Variants in B3GALNT1 observed in about 807,000 individuals in gnomAD.
The protein encoded by B3GALNT1 is UDP-GalNAc:beta-1,3-N-acetylgalactosaminyltransferase 1.
In B3GALNT1, 17 loss-of-function variants were observed where a neutral mutation model predicts 27.3. That is an observed-to-expected ratio of 0.62 (90% CI 0.43 to 0.94). The LOEUF is 0.94. B3GALNT1 is among the 40% of genes least tolerant of loss of function. B3GALNT1 has a pLI of 0.00. For missense variants in B3GALNT1, 347 were observed against 390.0 expected (o/e 0.89, Z 0.93); for synonymous variants, 141 against 144.0 (o/e 0.98, Z 0.15).
intron 4 of B3GALNT1, among the ~76,000 whole-genome samples, chr3:161,098,907 T>C (rs1017898606): frequency 3.9e-5 from 6 of 152,188 alleles, no homozygotes; most frequent in East Asian, 1.9e-4. Context: ...GGTTCTTCAA[T>C]AGAAGATCAA....
intron 4 of B3GALNT1, among the ~76,000 whole-genome samples, chr3:161,091,140 G>A (rs1409699104): frequency 6.6e-6 from 1 of 152,080 alleles, no homozygotes; most frequent in African/African-American, 2.4e-5. Context: ...ATGGTGGCAT[G>A]AGCCTGTGGT....
At chr3:161,104,462 A>C (rs1235767592) in intron 1 of B3GALNT1, 56 bp from the exon 2 acceptor site, 1 of 810,288 alleles carries the variant, frequency 1.2e-6, no homozygotes, top group Non-Finnish European at 1.7e-6. Flanking sequence ...CTCCCTCCTA[A>C]ATCCAACATT....
chr3:161,101,139 C>T lies in B3GALNT1; in HGVS notation c.-35G>A. 1 of 1,289,662 alleles carries T rather than the reference C, an allele frequency of 7.8e-7. No individual in the cohort carries two copies. Among genetic ancestry groups the T allele is most frequent in the Non-Finnish European group, 1.0e-6 (1 of 988,736 alleles). 79.9% of individuals were successfully genotyped at this position (1,289,662 alleles called of 1,614,324 possible). A position where few individuals can be genotyped will look rare whatever the true frequency, so the allele number is the denominator to read the frequency against. Reference sequence around the variant, plus strand: ...AAGAATGCAGCAGAAGCAGACACACCTTTACACTCGGGGTGAGTAGTCGGA... The same window carrying T: ...AAGAATGCAGCAGAAGCAGACACACTTTTACACTCGGGGTGAGTAGTCGGA... On this transcript the variant is annotated splice_region_variant and 5_prime_UTR_variant, in exon 4 of 5. Coordinates refer to ENST00000320474, the MANE Select transcript of B3GALNT1 (RefSeq NM_003781.4).
In B3GALNT1 at chr3:161,104,113, G is replaced by A. The variant is rs377047275; in HGVS notation, c.-221+206C>T. 9 of 310,470 alleles carry A rather than the reference G, an allele frequency of 2.9e-5. No individual in the cohort carries two copies. In the East Asian group the frequency reaches 4.0e-4, roughly 14 times the overall value. 19.2% of individuals were successfully genotyped at this position (310,470 alleles called of 1,614,324 possible). ...TTGAACGAACATTTTAGTCTATGAG[G>A]GGAAAAAAGTCATAGTCTCTTATCT... On this transcript the variant is annotated intron_variant, in intron 2 of 4. Coordinates refer to ENST00000320474, the MANE Select transcript of B3GALNT1 (RefSeq NM_003781.4).
Position 161,086,420 on chromosome 3 carries a change from A to C in B3GALNT1, c.335T>G (p.Val112Gly), listed in dbSNP as rs1208435290. The change falls in exon 5 of 5, where the codon GTT becomes GGT. Residue 112 changes from valine (V) to glycine (G), a missense_variant. Coordinates refer to ENST00000320474, the MANE Select transcript of B3GALNT1 (RefSeq NM_003781.4). ...TTGGCCTAATAAGAAAAATGTAAGAACCTCATATCCCCACCAAGACTTTTT... is the reference window on the plus strand; with the variant it reads ...TTGGCCTAATAAGAAAAATGTAAGACCCTCATATCCCCACCAAGACTTTTT... Reference protein sequence around the residue: ...GEKKSWWGYEVLTFFLLGQEA... With the variant: ...GEKKSWWGYEGLTFFLLGQEA... 3 of 1,613,822 alleles carry C rather than the reference A, an allele frequency of 1.9e-6. No individual in the cohort carries two copies. Among genetic ancestry groups the C allele is most frequent in the Admixed American group, 1.7e-5 (1 of 60,004 alleles).
intron 4 of B3GALNT1, among the ~76,000 whole-genome samples, chr3:161,100,503 G>C (rs1055075411): frequency 6.6e-6 from 1 of 152,208 alleles, no homozygotes; most frequent in Non-Finnish European, 1.5e-5. Context: ...GCTTCATTCA[G>C]TGTGCTGAGG....
intron 2 of B3GALNT1, chr3:161,104,028 G>T: frequency 4.3e-6 from 1 of 233,146 alleles, no homozygotes; most frequent in East Asian, 1.4e-4. Context: ...CGCCCGGCCT[G>T]GATGCTGTTT....
At chr3:161,091,407 A>T (rs564843097) in intron 4 of B3GALNT1, among the ~76,000 whole-genome samples, 5 of 152,342 alleles carry the variant, frequency 3.3e-5, no homozygotes, top group South Asian at 2.1e-4. Context: ...TAAGTGAAAA[A>T]TTCCAGAAAT....
At chr3:161,095,209 C>A (rs575509469) in intron 4 of B3GALNT1, among the ~76,000 whole-genome samples, 1 of 152,230 alleles carries the variant, frequency 6.6e-6, no homozygotes, top group African/African-American at 2.4e-5. Context: ...CCCCTCCAAC[C>A]AAAAAGCTGG....
intron 4 of B3GALNT1, among the ~76,000 whole-genome samples, chr3:161,087,932 A>G (rs1722882942): frequency 1.3e-5 from 2 of 152,194 alleles, no homozygotes; most frequent in African/African-American, 2.4e-5. Context: ...TTTACATCAA[A>G]TGCTAAGGAA....
intron 4 of B3GALNT1, chr3:161,089,982 C>G: frequency 4.1e-6 from 1 of 242,806 alleles, no homozygotes; most frequent in Non-Finnish European, 9.3e-6. Context: ...GGCAGGAGAA[C>G]TGCTTAAACC....
At chr3:161,098,363 C>G (rs921915309) in intron 4 of B3GALNT1, among the ~76,000 whole-genome samples, 1 of 152,152 alleles carries the variant, frequency 6.6e-6, no homozygotes, top group Non-Finnish European at 1.5e-5. Context: ...TATCTTCATA[C>G]TTTCACAGTG....
At chr3:161,096,787 C>T (rs1259200652) in intron 4 of B3GALNT1, among the ~76,000 whole-genome samples, 1 of 152,132 alleles carries the variant, frequency 6.6e-6, no homozygotes, top group South Asian at 2.1e-4. Context: ...ACTTTTTCTT[C>T]CCCTCTTCTT....
chr3:161,087,834 C>G (rs1722832536), intron 4 of B3GALNT1, among the ~76,000 whole-genome samples: 1 of 152,124 alleles, frequency 6.6e-6, no homozygotes, highest in Non-Finnish European at 1.5e-5. Context: ...AGACCAGGCA[C>G]TAAGGAGACC....
chr3:161,102,272 T>C lies in B3GALNT1; in HGVS notation c.-129-1039A>G, dbSNP rs1731754834. ...CCTACCTACCTACCTGTGTTCAGAG[T>C]CAGAAATACATGGGGTGGGAAACCG... On this transcript the variant is annotated intron_variant, in intron 3 of 4. Transcript: ENST00000320474. Among the ~76,000 whole-genome samples the C allele has an allele frequency of 2.6e-5, 4 of 152,006 alleles. No homozygotes were observed. In the South Asian group the frequency reaches 8.3e-4, roughly 32 times the overall value.
chr3:161,086,870 G>C, intron 4 of B3GALNT1, 82 bp from the exon 5 acceptor site: 1 of 1,385,636 alleles, frequency 7.2e-7, no homozygotes, highest in Non-Finnish European at 1.0e-6. Context: ...TACTCAAGGA[G>C]AAAGAGTAGG....
At chr3:161,098,468 C>T (rs1035860540) in intron 4 of B3GALNT1, among the ~76,000 whole-genome samples, 5 of 152,152 alleles carry the variant, frequency 3.3e-5, no homozygotes, top group African/African-American at 1.2e-4. Context: ...AATCCCAGCA[C>T]TTTGGGAGGC....
At chr3:161,087,178 T>C (rs1233931512) in intron 4 of B3GALNT1, among the ~76,000 whole-genome samples, 1 of 152,186 alleles carries the variant, frequency 6.6e-6, no homozygotes, top group Non-Finnish European at 1.5e-5. Flanking sequence ...ATCTCCTCTT[T>C]ATAACTATAA....
intron 4 of B3GALNT1, among the ~76,000 whole-genome samples, chr3:161,094,941 C>A (rs1456137102): frequency 6.6e-6 from 1 of 152,112 alleles, no homozygotes; most frequent in Admixed American, 6.6e-5. Flanking sequence ...CCCTCCCAAT[C>A]CTATTTCAAC....
Sources: allele counts gnomAD v4.1 joint callset (sites outside exome capture counted in the v4.1 genomes callset), GRCh38; gene constraint gnomAD v4.1.1; transcripts MANE v1.5; gene names NCBI Gene and HGNC (gene_info 2026-07-23, HGNC 2026-07-21).